Variants in THSD7A observed in about 807,000 individuals in gnomAD.
THSD7A encodes thrombospondin type 1 domain containing 7A.
A neutral mutation model predicts 231.3 loss-of-function variants in THSD7A; 96 were observed. That is an observed-to-expected ratio of 0.41 (90% CI 0.35 to 0.49). The LOEUF (loss-of-function observed/expected upper bound fraction) is 0.49. THSD7A is among the 20% of genes least tolerant of loss of function. The pLI, the probability that THSD7A is intolerant of heterozygous loss-of-function variation, is 0.05. For synonymous variants in THSD7A, 940 were observed against 743.3 expected (o/e 1.26, Z -4.30); for missense variants, 2,290 against 2,070.2 (o/e 1.11, Z -2.06).
chr7:11,581,324 C>T (rs1451573909), intron 4 of THSD7A, among the ~76,000 whole-genome samples: 2 of 151,912 alleles, frequency 1.3e-5, no homozygotes, highest in East Asian at 3.9e-4. Flanking sequence ...TAAAATATTC[C>T]TGTGTCACAA....
At chr7:11,453,002 T>C (rs555527017) in intron 11 of THSD7A, among the ~76,000 whole-genome samples, 78 of 152,118 alleles carry the variant, frequency 5.1e-4, no homozygotes, top group African/African-American at 1.7e-3. Context: ...TCCTACCTAG[T>C]TCTTTTTCCA....
At chr7:11,799,714 A>G (rs547620086) in intron 1 of THSD7A, among the ~76,000 whole-genome samples, 17 of 152,326 alleles carry the variant, frequency 1.1e-4, no homozygotes, top group African/African-American at 3.6e-4. Flanking sequence ...AATAGTTCCT[A>G]TGCATATTGA....
chr7:11,808,006 T>C (rs1784440355), intron 1 of THSD7A, among the ~76,000 whole-genome samples: 1 of 152,086 alleles, frequency 6.6e-6, no homozygotes. Context: ...CTCCCCATTG[T>C]TTCCTGGTCC....
At chr7:11,435,266 C>T (rs1241713973) in intron 13 of THSD7A, among the ~76,000 whole-genome samples, 1 of 152,082 alleles carries the variant, frequency 6.6e-6, no homozygotes, top group East Asian at 1.9e-4. Flanking sequence ...AAGAATTTGC[C>T]TGGCCCTTGG....
intron 1 of THSD7A, among the ~76,000 whole-genome samples, chr7:11,774,948 G>A (rs980770784): frequency 8.6e-5 from 13 of 152,036 alleles, no homozygotes; most frequent in Admixed American, 1.3e-4. Flanking sequence ...CCAGCTACTC[G>A]GGAGGCTGAG....
chr7:11,518,409 T>C (rs954281100), intron 6 of THSD7A, among the ~76,000 whole-genome samples: 1 of 152,108 alleles, frequency 6.6e-6, no homozygotes, highest in Non-Finnish European at 1.5e-5. Context: ...TAGGAGAGTG[T>C]ACTCTAAGTT....
intron 11 of THSD7A, among the ~76,000 whole-genome samples, chr7:11,458,568 A>C (rs1285579946): frequency 6.6e-6 from 1 of 152,142 alleles, no homozygotes; most frequent in Non-Finnish European, 1.5e-5. Context: ...TTGTTTGACA[A>C]ATATGCCAAG....
chr7:11,715,959 C>T (rs1437612984), intron 1 of THSD7A, among the ~76,000 whole-genome samples: 1 of 151,406 alleles, frequency 6.6e-6, no homozygotes, highest in Non-Finnish European at 1.5e-5. Context: ...CTGGGAGAAA[C>T]CCATATACCT....
intron 4 of THSD7A, among the ~76,000 whole-genome samples, chr7:11,574,545 C>T (rs1316394439): frequency 6.6e-6 from 1 of 151,464 alleles, no homozygotes; most frequent in African/African-American, 2.4e-5. Context: ...CGCCATTCTG[C>T]CGCCTCAGCC....
chr7:11,482,699 G>A (rs186394305), intron 6 of THSD7A, among the ~76,000 whole-genome samples: 66 of 152,270 alleles, frequency 4.3e-4, no homozygotes, highest in Non-Finnish European at 6.6e-4. Context: ...GATTTTTCAA[G>A]TTTACAAGAC....
intron 2 of THSD7A, among the ~76,000 whole-genome samples, chr7:11,596,041 G>C (rs1780347712): frequency 1.3e-5 from 2 of 152,208 alleles, no homozygotes; most frequent in African/African-American, 4.8e-5. Context: ...AAAGACATTT[G>C]AATTATAAAA....
At chr7:11,394,558 G>T (rs1783108074) in intron 23 of THSD7A, among the ~76,000 whole-genome samples, 1 of 152,128 alleles carries the variant, frequency 6.6e-6, no homozygotes, top group Non-Finnish European at 1.5e-5. Context: ...GGAGTGTAGG[G>T]GAATTTATCT....
intron 2 of THSD7A, among the ~76,000 whole-genome samples, chr7:11,606,394 T>C (rs576847548): frequency 5.5e-4 from 83 of 152,232 alleles, no homozygotes; most frequent in Non-Finnish European, 9.0e-4. Flanking sequence ...AGTTGGATGA[T>C]TGATGAGCGC....
intron 11 of THSD7A, among the ~76,000 whole-genome samples, chr7:11,458,184 C>T (rs780195725): frequency 1.3e-5 from 2 of 151,994 alleles, no homozygotes; most frequent in Non-Finnish European, 2.9e-5. Context: ...ATAAAAATAG[C>T]ACAAGTTCAT....
At chr7:11,723,028 G>A (rs1052194904) in intron 1 of THSD7A, among the ~76,000 whole-genome samples, 3 of 151,906 alleles carry the variant, frequency 2.0e-5, no homozygotes, top group East Asian at 2.0e-4. Flanking sequence ...ACATGCACAC[G>A]TATGTTTATT....
intron 1 of THSD7A, among the ~76,000 whole-genome samples, chr7:11,677,606 A>C (rs1251752407): frequency 6.9e-6 from 1 of 145,150 alleles, no homozygotes; most frequent in Non-Finnish European, 1.5e-5. Flanking sequence ...AAAAAAAAAA[A>C]AAAAAAAGCA....
chr7:11,731,168 C>T (rs1490622868), intron 1 of THSD7A, among the ~76,000 whole-genome samples: 1 of 151,472 alleles, frequency 6.6e-6, no homozygotes, highest in East Asian at 1.9e-4. Context: ...GACAGTAAAT[C>T]CCTTATTTCC....
At chr7:11,805,920 T>C (rs1784387939) in intron 1 of THSD7A, among the ~76,000 whole-genome samples, 1 of 152,174 alleles carries the variant, frequency 6.6e-6, no homozygotes, top group Admixed American at 6.6e-5. Flanking sequence ...GAGAAAAGGA[T>C]ATTGTAAATT....
In THSD7A at chr7:11,831,749, C is replaced by T. The variant is rs201396802; in HGVS notation, c.190+8G>A. On this transcript the variant is annotated splice_region_variant and intron_variant, in intron 1 of 27. Coordinates refer to ENST00000423059, the MANE Select transcript of THSD7A (RefSeq NM_015204.3). The surrounding 1 kb of genome is among the most constrained non-coding windows in gnomAD (Gnocchi z 5.0). ...AAGATGGGGAAAGGGTAACTCCGTC[C>T]CACTTACCAGTCTTCCACAGATAGA... 3.9e-5 allele frequency: 57 copies of T among 1,450,078 alleles called. No homozygotes were observed. The highest frequency in any genetic ancestry group is 5.1e-5 in the Non-Finnish European group (56 of 1,097,234). The allele number at this position is 1,450,078 out of a possible 1,614,324, so 89.8% of individuals were successfully genotyped here.
Sources: gnomAD v4.1 joint callset for allele counts (sites outside exome capture counted in the v4.1 genomes callset) on GRCh38, gnomAD v4.1.1 for gene constraint, Gnocchi (gnomAD v3.1) non-coding constraint, MANE v1.5 for transcripts, NCBI Gene and HGNC (gene_info 2026-07-23, HGNC 2026-07-21) for gene names.